KPNA3: variants seen among roughly 807,000 people sequenced by gnomAD.
The protein encoded by KPNA3 is karyopherin subunit alpha 3, also known as importin subunit alpha-4.
KPNA3 carries 13 observed loss-of-function variants against 73.8 expected under a neutral mutation model. That is an observed-to-expected ratio of 0.18 (90% CI 0.11 to 0.28). KPNA3 has a LOEUF of 0.28. Ranked by LOEUF, KPNA3 falls within the 10% of genes least tolerant of loss-of-function variation. The probability of loss-of-function intolerance (pLI) is 1.00; values close to 1 mark genes in which losing one functional copy is unlikely to be tolerated. For missense variants in KPNA3, 360 were observed against 618.1 expected, an observed-to-expected ratio of 0.58 and a Z score of 4.43; for synonymous variants, 186 against 206.9, an observed-to-expected ratio of 0.90 and a Z score of 0.87.
intron 2 of KPNA3, among the ~76,000 whole-genome samples, chr13:49,736,147 GTTTTGTT>G (rs1478049310): frequency 6.6e-6 from 1 of 151,966 alleles, no homozygotes; most frequent in African/African-American, 2.4e-5. Context: ...CTTGGGTTTT[GTTTTGTT>G]TTTTAAGAAA....
Position 49,792,430 on chromosome 13 carries a change from A to G in KPNA3, c.69+8T>C. 6.4e-7 allele frequency: 1 copy of G among 1,559,380 alleles called. No individual in the cohort carries two copies. The highest frequency in any genetic ancestry group is 8.7e-7 in the Non-Finnish European group (1 of 1,154,552). On this transcript the variant is annotated splice_region_variant and intron_variant, in intron 1 of 16. Coordinates refer to ENST00000261667, the MANE Select transcript of KPNA3 (RefSeq NM_002267.4). ...CCAGGCGGGCCCAGACCGCGGAAGC[A>G]CACTCACTTCCACATCGCGGCCCTT...
intron 1 of KPNA3, among the ~76,000 whole-genome samples, chr13:49,761,045 A>G (rs549043324): frequency 2.0e-5 from 3 of 152,368 alleles, no homozygotes; most frequent in East Asian, 3.9e-4. Context: ...TATTCTTAAT[A>G]ACAAAAAAGT....
chr13:49,732,378 C>A lies in KPNA3; in HGVS notation c.376G>T (p.Asp126Tyr). The A allele has an allele frequency of 6.5e-7, 1 of 1,534,040 alleles. No individual in the cohort carries two copies. The highest frequency in any genetic ancestry group is 8.9e-7 in the Non-Finnish European group (1 of 1,119,736). The change falls in exon 6 of 17, where the codon GAT becomes TAT. Residue 126 changes from aspartate (D) to tyrosine (Y), a missense_variant. Around this residue, in one of 3 missense-constraint regions of KPNA3, gnomAD observed 287 missense variants for 549.1 expected, o/e 0.52. Transcript: ENST00000261667. The part of the protein sequence containing the change: ...LPILVKCLER[D>Y]DNPSLQFEAA... Reference sequence around the variant, plus strand: ...AGTAAAATCCATACTTACTTATCATCCCTTTCTAGACATTTGACTAGAATT... The same window carrying A: ...AGTAAAATCCATACTTACTTATCATACCTTTCTAGACATTTGACTAGAATT...
chr13:49,792,030 C>T (rs913817464), intron 1 of KPNA3, among the ~76,000 whole-genome samples: 1 of 152,150 alleles, frequency 6.6e-6, no homozygotes, highest in Admixed American at 6.5e-5. Context: ...GGGGGCTGCA[C>T]CGGACGGAAG....
At chr13:49,709,980 G>A (rs1954244818) in intron 11 of KPNA3, among the ~76,000 whole-genome samples, 1 of 152,178 alleles carries the variant, frequency 6.6e-6, no homozygotes, top group Admixed American at 6.5e-5. Context: ...AGTTTCTTAA[G>A]GCTGGGCATG....
rs535292951 is a variant in KPNA3, at chr13:49,705,667, G to A, written c.1326C>T (p.Ala442=). 1.9e-6 allele frequency: 3 copies of A among 1,613,834 alleles called. No homozygotes were observed. Among genetic ancestry groups the A allele is most frequent in the African/African-American group, 2.7e-5 (2 of 74,966 alleles). Residue 442 remains alanine, a synonymous_variant, in exon 15 of 17, where the codon GCC becomes GCT. Coordinates refer to ENST00000261667, the MANE Select transcript of KPNA3 (RefSeq NM_002267.4). ...LDGLKNILIM[A]GDEASTIAEI... is the part of the protein sequence containing the mutation. ...CAGCTATTGTGCTTGCTTCATCACCGGCCATTATCAGAATGTTTTTTAGAC... is the reference window on the plus strand; with the variant it reads ...CAGCTATTGTGCTTGCTTCATCACCAGCCATTATCAGAATGTTTTTTAGAC...
intron 6 of KPNA3, among the ~76,000 whole-genome samples, chr13:49,729,466 A>G (rs529044664): frequency 1.3e-5 from 2 of 152,312 alleles, no homozygotes; most frequent in South Asian, 4.1e-4. Context: ...GAGAAAAGAT[A>G]TAGAAAAAAC....
intron 2 of KPNA3, among the ~76,000 whole-genome samples, chr13:49,742,612 T>C (rs1015912623): frequency 9.9e-5 from 15 of 152,102 alleles, no homozygotes; most frequent in Admixed American, 9.8e-4. Flanking sequence ...TTCATATAAA[T>C]TTTAGTTTTT....
rs1434876388 is a variant in KPNA3, at chr13:49,723,114, T to C, written c.470-551A>G. On this transcript the variant is annotated intron_variant, in intron 7 of 16. Coordinates refer to ENST00000261667, the MANE Select transcript of KPNA3 (RefSeq NM_002267.4). ...TTTTTTTGCTGTATCTGTGTATTAC[T>C]TGTATTATTTACTTAAAATTTAAAT... is the stretch of plus-strand genomic sequence containing the variant. 3.9e-5 allele frequency among the ~76,000 whole-genome samples: 6 copies of C among 152,278 alleles called. No homozygotes were observed. The East Asian group carries it at 1.2e-3, about 29-fold the overall frequency.
intron 7 of KPNA3, among the ~76,000 whole-genome samples, chr13:49,724,334 C>T (rs1426995963): frequency 2.0e-5 from 3 of 149,970 alleles, no homozygotes; most frequent in Admixed American, 1.3e-4. Context: ...GGTGGAGTCT[C>T]GCTTTGTCAC....
chr13:49,717,007 T>A (rs996646667), intron 10 of KPNA3, among the ~76,000 whole-genome samples: 2 of 152,110 alleles, frequency 1.3e-5, no homozygotes, highest in Non-Finnish European at 2.9e-5. Context: ...ACTCAAAGTT[T>A]TTTCTCCCTT....
chr13:49,788,740 A>ATTTTTT (rs1955006627), intron 1 of KPNA3, among the ~76,000 whole-genome samples: 1 of 29,676 alleles, frequency 3.4e-5, no homozygotes, highest in African/African-American at 9.6e-5. Flanking sequence ...TTTTTTTTTA[A>ATTTTTT]AAAAAAAAAG....
chr13:49,734,922 C>CAT (rs200073617), intron 2 of KPNA3, among the ~76,000 whole-genome samples: 111 of 126,142 alleles, frequency 8.8e-4, no homozygotes, highest in African/African-American at 1.3e-3. Flanking sequence ...TATACACACA[C>CAT]ATATATATAT....
At position 49,700,312 on chromosome 13, in the gene KPNA3, T is replaced by TA. The variant is rs1302455241; in HGVS notation, c.*1487dup. ...GTAAATACACCCCCCAATGGATAAC[T>TA]AAATTAGTTTAGATTTTCTATCCCT... On this transcript the variant is annotated 3_prime_UTR_variant, in exon 17 of 17. Transcript: ENST00000261667. 2 of 152,632 alleles carry TA rather than the reference T, an allele frequency of 1.3e-5. No individual in the cohort carries two copies. The highest frequency in any genetic ancestry group is 2.9e-5 in the Non-Finnish European group (2 of 68,030). The allele number at this position is 152,632 out of a possible 1,614,324, so 9.5% of individuals were successfully genotyped here.
At chr13:49,712,943 C>G (rs1211542167) in intron 10 of KPNA3, among the ~76,000 whole-genome samples, 1 of 149,498 alleles carries the variant, frequency 6.7e-6, no homozygotes, top group East Asian at 1.9e-4. Flanking sequence ...AATCTATCAA[C>G]CTATGTGAAT....
At chr13:49,786,566 T>C (rs147621261) in intron 1 of KPNA3, among the ~76,000 whole-genome samples, 192 of 152,274 alleles carry the variant, frequency 1.3e-3, no homozygotes, top group Admixed American at 4.3e-3. Flanking sequence ...TCCAGAGATA[T>C]ATGAAGGAGT....
intron 1 of KPNA3, among the ~76,000 whole-genome samples, chr13:49,752,480 T>C (rs1954671317): frequency 6.6e-6 from 1 of 152,032 alleles, no homozygotes; most frequent in Admixed American, 6.5e-5. Context: ...GAAAGCCTAC[T>C]GAAAAGACAT....
At chr13:49,785,881 T>C (rs888773668) in intron 1 of KPNA3, among the ~76,000 whole-genome samples, 5 of 152,168 alleles carry the variant, frequency 3.3e-5, no homozygotes, top group Non-Finnish European at 5.9e-5. Context: ...ACACTGCATA[T>C]GGTTAAACAG....
chr13:49,732,806 G>A (rs369188661), intron 3 of KPNA3, 30 bp from the exon 4 acceptor site: 1 of 1,510,992 alleles, frequency 6.6e-7, no homozygotes, highest in Non-Finnish European at 9.1e-7. Context: ...TAGTTCAGCA[G>A]AGTTTATTAA....
Sources: gnomAD v4.1 joint callset for allele counts (sites outside exome capture counted in the v4.1 genomes callset) on GRCh38, gnomAD v4.1.1 for gene constraint, gnomAD v4.1.1 regional missense constraint, MANE v1.5 for transcripts, NCBI Gene and HGNC (gene_info 2026-07-23, HGNC 2026-07-21) for gene names.